The following ZC3H18 variants were observed in gnomAD, a reference collection of about 807,000 sequenced individuals.
ZC3H18 encodes the protein zinc finger CCCH-type containing 18, also known as zinc finger CCCH domain-containing protein 18.
ZC3H18 carries 8 observed loss-of-function variants against 106.1 expected under a neutral mutation model. That is an observed-to-expected ratio of 0.08 (90% CI 0.04 to 0.14). The LOEUF (loss-of-function observed/expected upper bound fraction) is 0.14, where lower values mean the gene tolerates loss of function less well. ZC3H18 is among the 10% of genes least tolerant of loss of function. The pLI, the probability that ZC3H18 is intolerant of heterozygous loss-of-function variation, is 1.00. For missense variants in ZC3H18, 1,318 were observed against 1,278.4 expected, an observed-to-expected ratio of 1.03 and a Z score of -0.47; for synonymous variants, 635 against 522.1, an observed-to-expected ratio of 1.22 and a Z score of -2.95.
chr16:88,584,502 A>G (rs1285428908), intron 2 of ZC3H18, among the ~76,000 whole-genome samples: 3 of 151,942 alleles, frequency 2.0e-5, no homozygotes, highest in Non-Finnish European at 2.9e-5. Flanking sequence ...AAAATTCACA[A>G]TATTATATTG....
chr16:88,628,048 G>A lies in ZC3H18; in HGVS notation c.2398G>A (p.Ala800Thr), dbSNP rs1057171389. ...CCAGCAGCCCTCGACACCCCAGCAG[G>A]CACCCCCCGGGCAGCCCCAGCAGGG... ...SSQQPSTPQQ[A>T]PPGQPQQGTF... The change falls in exon 15 of 18, where the codon GCA becomes ACA. Residue 800 changes from alanine to threonine, a missense_variant. By Grantham distance (58) the Ala-to-Thr change is moderately conservative. This residue lies in a region of ZC3H18 where 848 missense variants were observed against 821.7 expected (regional missense o/e 1.03). Coordinates refer to ENST00000301011, the MANE Select transcript of ZC3H18 (RefSeq NM_144604.4). The A allele has an allele frequency of 6.2e-7, 1 of 1,614,096 alleles. No individual in the cohort carries two copies. Among genetic ancestry groups the A allele is most frequent in the Admixed American group, 1.7e-5 (1 of 60,028 alleles).
At position 88,624,732 on chromosome 16, in the gene ZC3H18, A is replaced by C. The variant is rs758145083; in HGVS notation, c.2029A>C (p.Thr677Pro). Residue 677 changes from threonine (T) to proline (P), a missense_variant, in exon 12 of 18, where the codon ACC (threonine) becomes CCC (proline). Around this residue, in one of 6 missense-constraint regions of ZC3H18, gnomAD observed 848 missense variants for 821.7 expected, o/e 1.03. Coordinates refer to ENST00000301011, the MANE Select transcript of ZC3H18 (RefSeq NM_144604.4). ...EARRKERPARTPPRRRTLSGS... is the reference protein window; with the variant it reads ...EARRKERPARPPPRRRTLSGS... ...CAGGAGGAAGGAGCGGCCAGCCAGGACCCCCCCCAGGAGGTGAGCACTCCG... is the reference window on the plus strand; with the variant it reads ...CAGGAGGAAGGAGCGGCCAGCCAGGCCCCCCCCCAGGAGGTGAGCACTCCG... 1.2e-5 allele frequency: 19 copies of C among 1,608,376 alleles called. No homozygotes were observed. The highest frequency in any genetic ancestry group is 1.6e-5 in the Non-Finnish European group (19 of 1,178,066).
intron 8 of ZC3H18, among the ~76,000 whole-genome samples, chr16:88,613,370 G>A (rs1334317893): frequency 2.6e-5 from 4 of 152,176 alleles, no homozygotes; most frequent in Admixed American, 2.6e-4. Flanking sequence ...CCTCAGTGTG[G>A]AATTGCTAGA....
At chr16:88,611,664 C>T (rs1567592578) in intron 8 of ZC3H18, 128 bp downstream of exon 8, 2 of 1,370,582 alleles carry the variant, frequency 1.5e-6, no homozygotes, top group Non-Finnish European at 1.9e-6. Context: ...CAGTGCAGGC[C>T]CACAGCCCGA....
intron 3 of ZC3H18, among the ~76,000 whole-genome samples, chr16:88,596,896 T>C (rs909428059): frequency 3.9e-5 from 6 of 152,180 alleles, no homozygotes; most frequent in Non-Finnish European, 8.8e-5. Flanking sequence ...GAACCCCCTA[T>C]AGAATAACAT....
intron 10 of ZC3H18, chr16:88,623,745 C>T (rs1363525639): frequency 1.3e-5 from 11 of 868,082 alleles, no homozygotes; most frequent in Non-Finnish European, 1.7e-5. Context: ...CCGGAGGACC[C>T]GCCAGTGGAT....
At chr16:88,597,438 A>G (rs1337902082) in intron 3 of ZC3H18, among the ~76,000 whole-genome samples, 76 of 152,240 alleles carry the variant, frequency 5.0e-4, no homozygotes, top group Non-Finnish European at 2.2e-4. Context: ...CTTAGATACT[A>G]TATGCCATAT....
At chr16:88,612,767 C>A (rs192219779) in intron 8 of ZC3H18, among the ~76,000 whole-genome samples, 2 of 151,920 alleles carry the variant, frequency 1.3e-5, no homozygotes, top group Non-Finnish European at 2.9e-5. Context: ...TTTGGGCGGC[C>A]GGGATGGACA....
At chr16:88,612,892 A>G (rs1266718507) in intron 8 of ZC3H18, among the ~76,000 whole-genome samples, 1 of 152,064 alleles carries the variant, frequency 6.6e-6, no homozygotes, top group East Asian at 1.9e-4. Flanking sequence ...GGTCCCAGCT[A>G]CTCGGGAGGC....
At chr16:88,625,335 C>A in intron 13 of ZC3H18, 68 bp downstream of exon 13, 1 of 1,545,126 alleles carries the variant, frequency 6.5e-7, no homozygotes, top group East Asian at 2.4e-5. Flanking sequence ...CAGAAGCAGC[C>A]AGTGTGGGTT....
chr16:88,598,400 A>C, intron 4 of ZC3H18, 74 bp downstream of exon 4: 1 of 1,541,008 alleles, frequency 6.5e-7, no homozygotes. Flanking sequence ...GCTTAAGACA[A>C]GTCACTGTGC....
intron 2 of ZC3H18, among the ~76,000 whole-genome samples, chr16:88,583,029 A>G (rs924951614): frequency 2.6e-5 from 4 of 152,230 alleles, no homozygotes; most frequent in Admixed American, 6.5e-5. Flanking sequence ...CCTGCAGACA[A>G]GATGCCCAGG....
At position 88,577,606 on chromosome 16, in the gene ZC3H18, C is replaced by T. The variant is rs959869712; in HGVS notation, c.483C>T (p.Gly161=). 6.8e-6 allele frequency: 11 copies of T among 1,613,644 alleles called. No homozygotes were observed. Among genetic ancestry groups the T allele is most frequent in the South Asian group, 1.1e-5 (1 of 91,072 alleles). The change falls in exon 2 of 18, where the codon GGC becomes GGT. Residue 161 remains glycine, a synonymous_variant. Coordinates refer to ENST00000301011, the MANE Select transcript of ZC3H18 (RefSeq NM_144604.4). ...AGGATGATGAGGAGAAAGGCGAAGG[C>T]ACTCCCAGGGAGGAGGGGAAGGCTG... The part of the protein sequence containing the change: ...GAEDDEEKGE[G]TPREEGKAGV...
At chr16:88,582,293 T>C (rs1915185293) in intron 2 of ZC3H18, among the ~76,000 whole-genome samples, 1 of 145,896 alleles carries the variant, frequency 6.9e-6, no homozygotes, top group African/African-American at 2.5e-5. Context: ...GGTGCGATCT[T>C]GGCTCACTGC....
intron 3 of ZC3H18, among the ~76,000 whole-genome samples, chr16:88,587,022 A>T (rs1210364793): frequency 3.9e-5 from 6 of 152,200 alleles, no homozygotes; most frequent in Admixed American, 3.9e-4. Flanking sequence ...TCCTTTTCAT[A>T]AGGCCGAATG....
intron 8 of ZC3H18, among the ~76,000 whole-genome samples, chr16:88,617,023 T>C (rs988284384): frequency 6.6e-6 from 1 of 152,102 alleles, no homozygotes; most frequent in Admixed American, 6.6e-5. Context: ...TTGGGTGCCA[T>C]GGGTGTCCTG....
At chr16:88,619,175 G>A (rs187267514) in intron 8 of ZC3H18, among the ~76,000 whole-genome samples, 28 of 152,256 alleles carry the variant, frequency 1.8e-4, no homozygotes, top group African/African-American at 6.5e-4. Context: ...AATGTCCAAT[G>A]GGAGGCTGAG....
chr16:88,612,082 C>G (rs1480494502), intron 8 of ZC3H18, among the ~76,000 whole-genome samples: 11 of 152,138 alleles, frequency 7.2e-5, no homozygotes, highest in Admixed American at 7.2e-4. Context: ...GCAGAATGAT[C>G]CTTGCTGCCA....
intron 5 of ZC3H18, 97 bp downstream of exon 5, chr16:88,598,809 G>C: frequency 2.7e-6 from 3 of 1,102,996 alleles, no homozygotes; most frequent in South Asian, 1.5e-5. Context: ...GAGAGCCCCA[G>C]AAATCTCTGA....
Sources: allele counts gnomAD v4.1 joint callset (sites outside exome capture counted in the v4.1 genomes callset), GRCh38; gene constraint gnomAD v4.1.1; regional missense constraint gnomAD v4.1.1; transcripts MANE v1.5; gene names NCBI Gene and HGNC (gene_info 2026-07-23, HGNC 2026-07-21).